Variants in TNKS2 observed in about 807,000 individuals in gnomAD.
TNKS2 encodes the protein tankyrase 2.
TNKS2 carries 72 observed loss-of-function variants against 137.6 expected under a neutral mutation model. That is an observed-to-expected ratio of 0.52 (90% CI 0.43 to 0.64). The LOEUF is 0.64. Ranked by LOEUF, TNKS2 falls within the 30% of genes least tolerant of loss-of-function variation. TNKS2 has a pLI of 0.00. For missense variants in TNKS2, 1,049 were observed against 1,410.2 expected, an observed-to-expected ratio of 0.74 and a Z score of 4.10; for synonymous variants, 516 against 512.1, an observed-to-expected ratio of 1.01 and a Z score of -0.10.
intron 22 of TNKS2, 28 bp from the exon 23 acceptor site, chr10:91,855,586 C>CATAT (rs1249486492): frequency 6.4e-7 from 1 of 1,567,066 alleles, no homozygotes; most frequent in Non-Finnish European, 8.8e-7. Flanking sequence ...TGCTAATGCA[C>CATAT]ATATATTTCA....
At chr10:91,854,974 G>T in intron 21 of TNKS2, 55 bp from the exon 22 acceptor site, 4 of 903,122 alleles carry the variant, frequency 4.4e-6, no homozygotes, top group East Asian at 2.8e-5. Context: ...TTTTGGTTTT[G>T]ATGTTCATTG....
At chr10:91,837,625 T>G (rs910825819) in intron 13 of TNKS2, among the ~76,000 whole-genome samples, 1 of 152,264 alleles carries the variant, frequency 6.6e-6, no homozygotes, top group Non-Finnish European at 1.5e-5. Flanking sequence ...TTCGTGAGGC[T>G]GAGGCGGGTG....
chr10:91,862,527 C>T (rs780520421), intron 26 of TNKS2, among the ~76,000 whole-genome samples: 5 of 152,036 alleles, frequency 3.3e-5, no homozygotes, highest in South Asian at 2.1e-4. Flanking sequence ...TTTCGCCAGT[C>T]GTTCCGGATT....
At position 91,852,491 on chromosome 10, in the gene TNKS2, C is replaced by T. The variant is rs375134123; in HGVS notation, c.2815+1155C>T. Reference sequence around the variant, plus strand: ...AGGAGAATGGCGTGAACCCGGGAGGCGGAACTTGCAGTGAGTTGAGATCAC... The same window carrying T: ...AGGAGAATGGCGTGAACCCGGGAGGTGGAACTTGCAGTGAGTTGAGATCAC... On this transcript the variant is annotated intron_variant, in intron 21 of 26. Transcript: ENST00000371627. Among the ~76,000 whole-genome samples, 67 of 152,270 alleles carry T rather than the reference C, an allele frequency of 4.4e-4. No individual in the cohort carries two copies. In the East Asian group the frequency reaches 8.9e-3, roughly 20 times the overall value.
intron 11 of TNKS2, among the ~76,000 whole-genome samples, chr10:91,833,156 T>C (rs1589670904): frequency 6.6e-6 from 1 of 152,196 alleles, no homozygotes; most frequent in African/African-American, 2.4e-5. Context: ...TGTAGAGATA[T>C]AGAACATTAT....
rs1367003213 is a variant in TNKS2 at position 91,822,358 on chromosome 10, T to C, written c.791T>C (p.Val264Ala). ...CATTATGAAGTAACTGAACTTTTGG[T>C]CAAGGTTAGTGCTCTTGTACTCTCC... is the stretch of plus-strand genomic sequence containing the variant. ...YGHYEVTELLVKHGACVNAMD... is the reference protein window; with the variant it reads ...YGHYEVTELLAKHGACVNAMD... The change falls in exon 7 of 27, where the codon GTC (valine) becomes GCC (alanine). Residue 264 changes from valine to alanine, a missense_variant. Around this residue, in one of 6 missense-constraint regions of TNKS2, gnomAD observed 374 missense variants for 460.8 expected, o/e 0.81. Transcript: ENST00000371627. The C allele has an allele frequency of 6.2e-7, 1 of 1,611,884 alleles. No homozygotes were observed. The highest frequency in any genetic ancestry group is 1.3e-5 in the African/African-American group (1 of 74,880).
chr10:91,845,213 G>A (rs761211669), intron 17 of TNKS2, among the ~76,000 whole-genome samples, 185 bp downstream of exon 17: 2 of 152,170 alleles, frequency 1.3e-5, no homozygotes, highest in Non-Finnish European at 2.9e-5. Flanking sequence ...GTGATATGCG[G>A]TGTATTGTTG....
intron 21 of TNKS2, among the ~76,000 whole-genome samples, chr10:91,852,257 T>A (rs1340574687): frequency 2.0e-5 from 3 of 147,202 alleles, no homozygotes; most frequent in Non-Finnish European, 4.5e-5. Context: ...TATAAAAAAA[T>A]AAAAAGGTTA....
chr10:91,826,484 T>C (rs1229825085), intron 7 of TNKS2, among the ~76,000 whole-genome samples: 1 of 152,228 alleles, frequency 6.6e-6, no homozygotes, highest in Non-Finnish European at 1.5e-5. Context: ...ACATTATATG[T>C]ATGAAAGAAT....
chr10:91,861,431 T>G (rs1338226061), intron 25 of TNKS2, among the ~76,000 whole-genome samples: 1 of 152,170 alleles, frequency 6.6e-6, no homozygotes. Context: ...AAAAGTGACT[T>G]GATCTAATTT....
At chr10:91,800,005 A>T (rs568305537) in intron 1 of TNKS2, among the ~76,000 whole-genome samples, 199 of 152,310 alleles carry the variant, frequency 1.3e-3, no homozygotes, top group African/African-American at 4.6e-3. Context: ...CTTTCTACCA[A>T]TTGGAGATTT....
chr10:91,862,662 G>A (rs1223797979), intron 26 of TNKS2, among the ~76,000 whole-genome samples: 3 of 152,018 alleles, frequency 2.0e-5, no homozygotes, highest in Non-Finnish European at 4.4e-5. Context: ...TTGTGAACTG[G>A]GAGTAGGTAT....
At chr10:91,829,653 C>A (rs1424032140) in intron 9 of TNKS2, among the ~76,000 whole-genome samples, 1 of 152,112 alleles carries the variant, frequency 6.6e-6, no homozygotes, top group Non-Finnish European at 1.5e-5. Flanking sequence ...CTTAACCTAC[C>A]AAAGGAACTA....
In TNKS2 at chr10:91,865,158, T is replaced by C. The variant is rs1842943708; in HGVS notation, c.*2159T>C. 1 of 152,530 alleles carries C rather than the reference T, an allele frequency of 6.6e-6. No individual in the cohort carries two copies. The highest frequency in any genetic ancestry group is 1.5e-5 in the Non-Finnish European group (1 of 68,006). 9.4% of individuals were successfully genotyped at this position (152,530 alleles called of 1,614,324 possible). The stretch of plus-strand genomic sequence containing the variant: ...TTCTTTTGTCTTGTGATTTTTTTTT[T>C]TGAAGTGAAATTTAACTTTTTGTGC... On this transcript the variant is annotated 3_prime_UTR_variant, in exon 27 of 27. Coordinates refer to ENST00000371627, the MANE Select transcript of TNKS2 (RefSeq NM_025235.4).
At position 91,864,429 on chromosome 10, in the gene TNKS2, T is replaced by C. The variant is rs1043289858; in HGVS notation, c.*1430T>C. 1 of 152,540 alleles carries C rather than the reference T, an allele frequency of 6.6e-6. No homozygotes were observed. Among genetic ancestry groups the C allele is most frequent in the Non-Finnish European group, 1.5e-5 (1 of 68,036 alleles). 9.4% of individuals were successfully genotyped at this position (152,540 alleles called of 1,614,324 possible). A position where few individuals can be genotyped will look rare whatever the true frequency, so the allele number is the denominator to read the frequency against. On this transcript the variant is annotated 3_prime_UTR_variant, in exon 27 of 27. Coordinates refer to ENST00000371627, the MANE Select transcript of TNKS2 (RefSeq NM_025235.4). ...TTTTATTTGTTGACTCTAGCTCCCT[T>C]CAAAGTCGAGGAAAGATCTTTACTC... is the stretch of plus-strand genomic sequence containing the variant.
At chr10:91,826,239 G>C (rs1043170439) in intron 7 of TNKS2, among the ~76,000 whole-genome samples, 1 of 152,132 alleles carries the variant, frequency 6.6e-6, no homozygotes, top group Non-Finnish European at 1.5e-5. Flanking sequence ...TGTGCATAAG[G>C]TTAGGTGTGG....
intron 23 of TNKS2, among the ~76,000 whole-genome samples, chr10:91,856,982 G>A (rs1842724756): frequency 6.6e-6 from 1 of 151,990 alleles, no homozygotes; most frequent in Non-Finnish European, 1.5e-5. Flanking sequence ...AATTGTGTAT[G>A]TGTTGAGGGG....
chr10:91,854,940 G>T, intron 21 of TNKS2, 89 bp from the exon 22 acceptor site: 13 of 580,062 alleles, frequency 2.2e-5, no homozygotes, highest in East Asian at 1.0e-4. Flanking sequence ...TTGGTAGTAA[G>T]AATCAGAAAA....
At chr10:91,811,865 C>A (rs139670202) in intron 1 of TNKS2, among the ~76,000 whole-genome samples, 10,388 of 152,108 alleles carry the variant, frequency 0.068, 1,171 homozygotes, top group African/African-American at 0.24. Flanking sequence ...CGAGACCATC[C>A]TGGCTAACAT....
Sources: gnomAD v4.1 joint callset for allele counts (sites outside exome capture counted in the v4.1 genomes callset) on GRCh38, gnomAD v4.1.1 for gene constraint, gnomAD v4.1.1 regional missense constraint, MANE v1.5 for transcripts, NCBI Gene and HGNC (gene_info 2026-07-23, HGNC 2026-07-21) for gene names.